The following EMP3 variants were observed in gnomAD, a reference collection of about 807,000 sequenced individuals.
EMP3 encodes epithelial membrane protein 3 (MAM blood group).
A neutral mutation model predicts 21.6 loss-of-function variants in EMP3; 15 were observed. That is an observed-to-expected ratio of 0.69 (90% CI 0.46 to 1.07). The LOEUF (loss-of-function observed/expected upper bound fraction) is 1.07. Ranked by LOEUF, EMP3 falls within the 50% of genes least tolerant of loss-of-function variation. The probability of loss-of-function intolerance (pLI) is 0.00; values close to 1 mark genes in which losing one functional copy is unlikely to be tolerated. For synonymous variants in EMP3, 107 were observed against 86.1 expected, an observed-to-expected ratio of 1.24 and a Z score of -1.34; for missense variants, 183 against 206.6, an observed-to-expected ratio of 0.89 and a Z score of 0.70.
At position 48,329,586 on chromosome 19, in the gene EMP3, C is replaced by T; in HGVS notation, c.322+94C>T. 6.6e-7 allele frequency: 1 copy of T among 1,515,694 alleles called. No homozygotes were observed. The highest frequency in any genetic ancestry group is 8.9e-7 in the Non-Finnish European group (1 of 1,124,878). 93.9% of individuals were successfully genotyped at this position (1,515,694 alleles called of 1,614,324 possible). A position where few individuals can be genotyped will look rare whatever the true frequency, so the allele number is the denominator to read the frequency against. On this transcript the variant is annotated intron_variant, in intron 4 of 4. Transcript: ENST00000270221. The surrounding 1 kb of genome is among the most constrained non-coding windows in gnomAD (Gnocchi z 4.5). ...TGCTGGGGGCCCTGAGAATGGGCCTCTCGTAGAAAAAAACAACTTTCAACA... is the reference window on the plus strand; with the variant it reads ...TGCTGGGGGCCCTGAGAATGGGCCTTTCGTAGAAAAAAACAACTTTCAACA...
At chr19:48,330,242 T>G (rs1969184383) in intron 4 of EMP3, 59 bp from the exon 5 acceptor site, 4 of 1,487,448 alleles carry the variant, frequency 2.7e-6, no homozygotes, top group Non-Finnish European at 3.6e-6. Flanking sequence ...CCCCATGGGA[T>G]ATTGGGAAAT....
At chr19:48,326,999 G>A in intron 2 of EMP3, 77 bp downstream of exon 2, 2 of 1,221,900 alleles carry the variant, frequency 1.6e-6, no homozygotes, top group Non-Finnish European at 2.4e-6. Flanking sequence ...AGGCATTCTG[G>A]CCCCACCCCC....
At position 48,325,572 on chromosome 19, in the gene EMP3, A is replaced by C. The variant is rs1463256671; in HGVS notation, c.-54A>C. 1 of 152,172 alleles carries C rather than the reference A, an allele frequency of 6.6e-6. No homozygotes were observed. Among genetic ancestry groups the C allele is most frequent in the East Asian group, 1.9e-4 (1 of 5,146 alleles). 9.4% of individuals were successfully genotyped at this position (152,172 alleles called of 1,614,324 possible). A position where few individuals can be genotyped will look rare whatever the true frequency, so the allele number is the denominator to read the frequency against. On this transcript the variant is annotated 5_prime_UTR_variant, in exon 1 of 5. Transcript: ENST00000270221. ...GGCACGGAGGCCCGAGCGAGGGACA[A>C]GACTCCGACTCCAGCTCTGACTTTT... is the stretch of plus-strand genomic sequence containing the variant.
chr19:48,329,206 A>G lies in EMP3; in HGVS notation c.182-146A>G. On this transcript the variant is annotated intron_variant, in intron 3 of 4. Transcript: ENST00000270221. The surrounding 1 kb of genome is among the most constrained non-coding windows in gnomAD (Gnocchi z 4.5). ...CAAGGTAACAGGGCTCAAGGTCAAA[A>G]TAAGTGATACATCTAAGTATCTAGG... The G allele has an allele frequency of 1.1e-6, 1 of 951,296 alleles. No individual in the cohort carries two copies. Among genetic ancestry groups the G allele is most frequent in the Non-Finnish European group, 1.5e-6 (1 of 645,532 alleles). 58.9% of individuals were successfully genotyped at this position (951,296 alleles called of 1,614,324 possible).
chr19:48,327,857 G>T, intron 3 of EMP3: 1 of 497,074 alleles, frequency 2.0e-6, no homozygotes, highest in Non-Finnish European at 3.7e-6. Context: ...GCCCAGGCTG[G>T]AGTGCAGTGG....
chr19:48,328,978 AG>A (rs1443860693), intron 3 of EMP3, among the ~76,000 whole-genome samples: 1 of 152,010 alleles, frequency 6.6e-6, no homozygotes, highest in Non-Finnish European at 1.5e-5. Context: ...AAAATTACCC[AG>A]GTTGTGGTGG....
chr19:48,327,012 T>G, intron 2 of EMP3, 90 bp downstream of exon 2: 1 of 1,059,834 alleles, frequency 9.4e-7, no homozygotes, highest in Non-Finnish European at 1.5e-6. Context: ...CCACCCCCTT[T>G]ACCTAGTATT....
In EMP3 at chr19:48,330,530, C is replaced by A; in HGVS notation, c.*60C>A. On this transcript the variant is annotated 3_prime_UTR_variant, in exon 5 of 5. Coordinates refer to ENST00000270221, the MANE Select transcript of EMP3 (RefSeq NM_001425.3). ...CCGGCCCCCCTCGCCGCGCGTCCTC[C>A]AAAAAATAAAACCTTAACCGCGGGC... The A allele has an allele frequency of 4.1e-6, 6 of 1,460,326 alleles. No homozygotes were observed. The highest frequency in any genetic ancestry group is 2.6e-5 in the Admixed American group (1 of 39,192). The allele number at this position is 1,460,326 out of a possible 1,614,324, so 90.5% of individuals were successfully genotyped here.
intron 3 of EMP3, among the ~76,000 whole-genome samples, chr19:48,328,816 A>G (rs1421892804): frequency 2.0e-5 from 3 of 152,198 alleles, no homozygotes; most frequent in African/African-American, 7.2e-5. Context: ...TTTATGTAGA[A>G]AATCCATTAA....
At position 48,330,391 on chromosome 19, in the gene EMP3, G is replaced by C. The variant is rs1002706686; in HGVS notation, c.413G>C (p.Cys138Ser). The C allele has an allele frequency of 6.2e-7, 1 of 1,607,136 alleles. No homozygotes were observed. Among genetic ancestry groups the C allele is most frequent in the Non-Finnish European group, 8.5e-7 (1 of 1,176,924 alleles). Residue 138 changes from cysteine to serine, a missense_variant, in exon 5 of 5, where the codon TGC (cysteine) becomes TCC (serine). Cys to Ser is a moderately radical substitution (Grantham distance 112). Transcript: ENST00000270221. ...KHPRGGSFGY[C>S]FALAWVAFPL... Reference sequence around the variant, plus strand: ...CCGCGAGGGGGCAGCTTCGGATACTGCTTCGCCCTGGCCTGGGTGGCCTTC... The same window carrying C: ...CCGCGAGGGGGCAGCTTCGGATACTCCTTCGCCCTGGCCTGGGTGGCCTTC...
In EMP3 at chr19:48,329,505, C is replaced by G; in HGVS notation, c.322+13C>G. 1 of 1,613,882 alleles carries G rather than the reference C, an allele frequency of 6.2e-7. No individual in the cohort carries two copies. The highest frequency in any genetic ancestry group is 1.1e-5 in the South Asian group (1 of 91,060). The stretch of plus-strand genomic sequence containing the variant: ...CAGCTTTGCACCAGTGAGCACTGCC[C>G]CTCCCCAACCCTAATCCCCCAAGAA... On this transcript the variant is annotated intron_variant, in intron 4 of 4. Coordinates refer to ENST00000270221, the MANE Select transcript of EMP3 (RefSeq NM_001425.3). The surrounding 1 kb of genome is among the most constrained non-coding windows in gnomAD (Gnocchi z 4.5).
intron 1 of EMP3, 63 bp from the exon 2 acceptor site, chr19:48,326,767 G>A: frequency 1.3e-5 from 18 of 1,395,838 alleles, no homozygotes; most frequent in Admixed American, 1.7e-5. Flanking sequence ...TGGGGTTATA[G>A]GCGTGAGTGT....
In EMP3 at chr19:48,330,326, G is replaced by C. The variant is rs941998627; in HGVS notation, c.348G>C (p.Leu116Phe). ...GCGTGGCGGTGTTTACTGGCGCCTT[G>C]ATCTATGCCATTCACGCCGAGGAGA... ...CTSVAVFTGA[L>F]IYAIHAEEIL... is the part of the protein sequence containing the mutation. The change falls in exon 5 of 5, where the codon TTG becomes TTC. Residue 116 changes from leucine (L) to phenylalanine (F), a missense_variant. By Grantham distance (22) the Leu-to-Phe change is conservative (BLOSUM62 0). Coordinates refer to ENST00000270221, the MANE Select transcript of EMP3 (RefSeq NM_001425.3). The C allele has an allele frequency of 5.6e-6, 9 of 1,601,556 alleles. No homozygotes were observed. The highest frequency in any genetic ancestry group is 1.7e-5 in the Admixed American group (1 of 57,708).
At position 48,327,587 on chromosome 19, in the gene EMP3, A is replaced by T; in HGVS notation, c.145A>T (p.Thr49Ser). ...GTACGACTGCACGTGGAACAACGAC[A>T]CCAAAACATGGGCCTGCAGTAATGT... is the stretch of plus-strand genomic sequence containing the variant. ...LWYDCTWNND[T>S]KTWACSNVSE... The change falls in exon 3 of 5, where the codon ACC becomes TCC. Residue 49 changes from threonine (T) to serine (S), a missense_variant. Physicochemically the swap from Thr to Ser is moderately conservative, Grantham distance 58 (BLOSUM62 1). Coordinates refer to ENST00000270221, the MANE Select transcript of EMP3 (RefSeq NM_001425.3). 6.2e-7 allele frequency: 1 copy of T among 1,613,944 alleles called. No homozygotes were observed. The highest frequency in any genetic ancestry group is 8.5e-7 in the Non-Finnish European group (1 of 1,179,982).
chr19:48,327,452 C>A, intron 2 of EMP3, 69 bp from the exon 3 acceptor site: 1 of 1,173,920 alleles, frequency 8.5e-7, no homozygotes, highest in Non-Finnish European at 1.2e-6. Flanking sequence ...GCCCTTCCCA[C>A]AGTCTGCCTG....
rs1250847086 is a variant in EMP3, at chr19:48,326,829, G to C, written c.-15-1G>C. On this transcript the variant is annotated splice_acceptor_variant, in intron 1 of 4. Transcript: ENST00000270221. LOFTEE classifies it low-confidence loss of function (5UTR_SPLICE). ...CTCCGTCCCCTGCTCCCCCTCCCCA[G>C]GCTTCCACTGCAGCCATGTCACTCC... The C allele has an allele frequency of 6.2e-7, 1 of 1,613,390 alleles. No homozygotes were observed. The highest frequency in any genetic ancestry group is 8.5e-7 in the Non-Finnish European group (1 of 1,179,602).
intron 1 of EMP3, among the ~76,000 whole-genome samples, chr19:48,326,412 C>T (rs1019774836): frequency 1.3e-5 from 2 of 152,076 alleles, no homozygotes; most frequent in African/African-American, 2.4e-5. Context: ...CAGGCCCCAG[C>T]GGTCTCCTCC....
chr19:48,326,904 C>T lies in EMP3; in HGVS notation c.60C>T (p.Phe20=), dbSNP rs570336125. 5.0e-6 allele frequency: 8 copies of T among 1,614,116 alleles called. No homozygotes were observed. The highest frequency in any genetic ancestry group is 3.3e-5 in the Admixed American group (2 of 60,016). ...ACATCCTCATTCTTATACTGCTTTT[C>T]GTGGCCACTTTGGACAAGGTAAGCC... ...ALHILILILL[F]VATLDKSWWT... is the part of the protein sequence containing the mutation. The change falls in exon 2 of 5, where the codon TTC becomes TTT. Residue 20 remains phenylalanine, a synonymous_variant. Transcript: ENST00000270221.
In EMP3 at chr19:48,326,925, A is replaced by C. The variant is rs1969132435; in HGVS notation, c.78+3A>C. ...TTTTCGTGGCCACTTTGGACAAGGT[A>C]AGCCTACTTGGAGCTCAGGGCCCTT... is the stretch of plus-strand genomic sequence containing the variant. On this transcript the variant is annotated splice_donor_region_variant and intron_variant, in intron 2 of 4. Transcript: ENST00000270221. The C allele has an allele frequency of 6.2e-7, 1 of 1,613,700 alleles. No homozygotes were observed. Among genetic ancestry groups the C allele is most frequent in the African/African-American group, 1.3e-5 (1 of 74,888 alleles).
Sources: gnomAD v4.1 joint callset for allele counts (sites outside exome capture counted in the v4.1 genomes callset) on GRCh38, gnomAD v4.1.1 for gene constraint, Gnocchi (gnomAD v3.1) non-coding constraint, MANE v1.5 for transcripts, NCBI Gene and HGNC (gene_info 2026-07-23, HGNC 2026-07-21) for gene names.